The following PLCB1 variants were observed in gnomAD, a reference collection of about 807,000 sequenced individuals.
PLCB1 encodes 1-phosphatidylinositol 4,5-bisphosphate phosphodiesterase beta-1.
In PLCB1, 46 loss-of-function variants were observed where a neutral mutation model predicts 161.8. That is an observed-to-expected ratio of 0.28 (90% confidence interval 0.22 to 0.36). PLCB1 has a LOEUF of 0.36. Among genes scored for constraint, PLCB1 ranks in the 10% least tolerant of loss-of-function variants. The probability of loss-of-function intolerance (pLI) is 1.00; values close to 1 mark genes in which losing one functional copy is unlikely to be tolerated. For missense variants in PLCB1, 1,016 were observed against 1,472.5 expected (o/e 0.69, Z 5.07); for synonymous variants, 517 against 503.7 (o/e 1.03, Z -0.35).
intron 4 of PLCB1, among the ~76,000 whole-genome samples, chr20:8,643,293 T>C (rs762845941): frequency 6.6e-6 from 1 of 152,210 alleles, no homozygotes; most frequent in Non-Finnish European, 1.5e-5. Context: ...TTTTACTAAT[T>C]TATCTCCAGA....
intron 2 of PLCB1, among the ~76,000 whole-genome samples, chr20:8,213,481 G>C (rs1568592357): frequency 6.6e-6 from 1 of 152,126 alleles, no homozygotes; most frequent in Non-Finnish European, 1.5e-5. Flanking sequence ...CCTGCAGCAG[G>C]AGGTAGCAGA....
At chr20:8,482,353 C>T (rs1407702206) in intron 3 of PLCB1, among the ~76,000 whole-genome samples, 4 of 151,988 alleles carry the variant, frequency 2.6e-5, no homozygotes, top group South Asian at 2.1e-4. Flanking sequence ...CCACTCACCT[C>T]GGCCTCCCAA....
intron 31 of PLCB1, among the ~76,000 whole-genome samples, chr20:8,856,277 A>C (rs1987064940): frequency 6.6e-6 from 1 of 152,158 alleles, no homozygotes; most frequent in African/African-American, 2.4e-5. Context: ...ATCATATTGA[A>C]ATATGATAAT....
intron 2 of PLCB1, among the ~76,000 whole-genome samples, chr20:8,197,709 G>T (rs2052040829): frequency 6.6e-6 from 1 of 152,190 alleles, no homozygotes; most frequent in Middle Eastern, 3.4e-3. Context: ...ATTGCTTTTG[G>T]TGTTTTAGAC....
intron 3 of PLCB1, among the ~76,000 whole-genome samples, chr20:8,562,223 T>C (rs930085069): frequency 1.3e-5 from 2 of 152,044 alleles, no homozygotes; most frequent in African/African-American, 2.4e-5. Flanking sequence ...TGGCTGTACA[T>C]TGAAATCACC....
intron 27 of PLCB1, among the ~76,000 whole-genome samples, chr20:8,776,497 C>T (rs1982950797): frequency 6.6e-6 from 1 of 152,150 alleles, no homozygotes; most frequent in African/African-American, 2.4e-5. Context: ...CCTGGAATGC[C>T]ATGCCTGTCT....
In PLCB1 at chr20:8,462,783, C is replaced by T. The variant is rs370700097; in HGVS notation, c.246+91333C>T. 1.1e-3 allele frequency among the ~76,000 whole-genome samples: 145 copies of T among 137,050 alleles called. 1 individual carries two copies. Among genetic ancestry groups the T allele is most frequent in the African/African-American group, 3.6e-3 (135 of 37,494 alleles). The allele number at this position is 137,050 out of a possible 152,430, so 89.9% of individuals were successfully genotyped here. A position where few individuals can be genotyped will look rare whatever the true frequency, so the allele number is the denominator to read the frequency against. The stretch of plus-strand genomic sequence containing the variant: ...CTGTCTCACCACCTAAGCTCCATGC[C>T]TTGCCCCTTGCTTTCCTCCACAATA... On this transcript the variant is annotated intron_variant, in intron 3 of 31. Transcript: ENST00000338037.
At chr20:8,872,409 C>A (rs1987638781) in intron 31 of PLCB1, among the ~76,000 whole-genome samples, 1 of 152,180 alleles carries the variant, frequency 6.6e-6, no homozygotes, top group Non-Finnish European at 1.5e-5. Flanking sequence ...CTTTAGATTT[C>A]AGTTGCCAAT....
At chr20:8,699,049 A>G (rs1161998967) in intron 11 of PLCB1, among the ~76,000 whole-genome samples, 1 of 152,136 alleles carries the variant, frequency 6.6e-6, no homozygotes, top group Non-Finnish European at 1.5e-5. Context: ...AGGTACTTGG[A>G]GAGTGACTGG....
chr20:8,538,176 A>G (rs899041137), intron 3 of PLCB1, among the ~76,000 whole-genome samples: 2 of 152,242 alleles, frequency 1.3e-5, no homozygotes, highest in African/African-American at 4.8e-5. Context: ...TAATCAGCAA[A>G]TAGTCAAGAC....
At chr20:8,543,116 A>G (rs1205499966) in intron 3 of PLCB1, among the ~76,000 whole-genome samples, 1 of 152,194 alleles carries the variant, frequency 6.6e-6, no homozygotes, top group Non-Finnish European at 1.5e-5. Flanking sequence ...GCCCCACCCC[A>G]GATCTATTGG....
At chr20:8,553,315 G>A (rs1408642176) in intron 3 of PLCB1, among the ~76,000 whole-genome samples, 1 of 152,132 alleles carries the variant, frequency 6.6e-6, no homozygotes, top group Non-Finnish European at 1.5e-5. Context: ...ATTTGCTATT[G>A]AAGTTTTAGT....
chr20:8,366,182 T>C (rs764780866), intron 2 of PLCB1, among the ~76,000 whole-genome samples: 1 of 152,132 alleles, frequency 6.6e-6, no homozygotes, highest in African/African-American at 2.4e-5. Context: ...ATACCTCAGT[T>C]TGTTTAAGAG....
At chr20:8,620,247 A>G (rs1988143016) in intron 3 of PLCB1, among the ~76,000 whole-genome samples, 1 of 152,178 alleles carries the variant, frequency 6.6e-6, no homozygotes, top group Non-Finnish European at 1.5e-5. Context: ...TTTTTTTTCA[A>G]GTACTCACAA....
chr20:8,629,406 C>T (rs529785873), intron 4 of PLCB1, among the ~76,000 whole-genome samples: 1 of 152,232 alleles, frequency 6.6e-6, no homozygotes, highest in East Asian at 1.9e-4. Context: ...ATGTAGCAAA[C>T]AAGAAGCTGT....
At chr20:8,797,588 G>A (rs943036925) in intron 31 of PLCB1, among the ~76,000 whole-genome samples, 2 of 152,042 alleles carry the variant, frequency 1.3e-5, no homozygotes, top group African/African-American at 4.8e-5. Context: ...TGCATCCACT[G>A]AGTGTTTAAT....
chr20:8,498,259 G>A (rs1362171669), intron 3 of PLCB1, among the ~76,000 whole-genome samples: 4 of 152,008 alleles, frequency 2.6e-5, no homozygotes, highest in Non-Finnish European at 5.9e-5. Flanking sequence ...CACCACGCCC[G>A]GGTAATTTTT....
chr20:8,666,190 G>A (rs1313565346), intron 9 of PLCB1, among the ~76,000 whole-genome samples: 2 of 152,156 alleles, frequency 1.3e-5, no homozygotes, highest in Non-Finnish European at 2.9e-5. Context: ...GCCCACAGCT[G>A]TAACCTGCCT....
chr20:8,633,613 C>T (rs1011931883), intron 4 of PLCB1, among the ~76,000 whole-genome samples: 4 of 152,074 alleles, frequency 2.6e-5, no homozygotes, highest in Non-Finnish European at 4.4e-5. Flanking sequence ...AGGAGGCAGC[C>T]AGTTAATGCC....
Sources: allele counts gnomAD v4.1 joint callset (sites outside exome capture counted in the v4.1 genomes callset), GRCh38; gene constraint gnomAD v4.1.1; transcripts MANE v1.5; gene names NCBI Gene and HGNC (gene_info 2026-07-23, HGNC 2026-07-21).